Variants in PHACTR3 observed in about 807,000 individuals in gnomAD.
PHACTR3 encodes the protein protein phosphatase 1, regulatory subunit 123.
PHACTR3 carries 16 observed loss-of-function variants against 66.8 expected under a neutral mutation model. The ratio of observed to expected loss-of-function variants is 0.24; its 90% CI spans 0.16 to 0.36. The LOEUF is 0.36. Among genes scored for constraint, PHACTR3 ranks in the 10% least tolerant of loss-of-function variants. The pLI is 1.00. For missense variants in PHACTR3, 647 were observed against 719.9 expected, an observed-to-expected ratio of 0.90 and a Z score of 1.16; for synonymous variants, 323 against 292.1, an observed-to-expected ratio of 1.11 and a Z score of -1.08.
chr20:59,718,077 A>T (rs1181290255), intron 1 of PHACTR3, among the ~76,000 whole-genome samples: 1 of 152,200 alleles, frequency 6.6e-6, no homozygotes, highest in Non-Finnish European at 1.5e-5. Context: ...TAGGTGGTCA[A>T]GGGCAAAAAG....
At chr20:59,785,901 T>TCTGCATCCCCTGCTTCTGCATCCCCTGCC (rs1568820918) in intron 7 of PHACTR3, among the ~76,000 whole-genome samples, 5 of 3,454 alleles carry the variant, frequency 1.4e-3, no homozygotes, top group African/African-American at 1.8e-3. Context: ...CCAACGGCCC[T>TCTGCATCCCCTGCTTCTGCATCCCCTGCC]CTGCATCCCC....
intron 7 of PHACTR3, among the ~76,000 whole-genome samples, chr20:59,782,315 G>A (rs1234030645): frequency 5.3e-5 from 8 of 152,094 alleles, no homozygotes; most frequent in Admixed American, 1.3e-4. Flanking sequence ...ATCGTGGCAC[G>A]ATCTTGGCTC....
intron 8 of PHACTR3, among the ~76,000 whole-genome samples, chr20:59,825,900 C>T (rs367949532): frequency 3.3e-5 from 5 of 152,174 alleles, no homozygotes; most frequent in Admixed American, 6.5e-5. Flanking sequence ...TGCTCTTGAG[C>T]GGGATTAGCG....
chr20:59,741,722 G>T (rs1053143008), intron 1 of PHACTR3, among the ~76,000 whole-genome samples: 3 of 150,954 alleles, frequency 2.0e-5, no homozygotes, highest in Non-Finnish European at 4.4e-5. Context: ...TCCCCCGCCT[G>T]CCAACAGCCA....
chr20:59,820,644 T>C lies in PHACTR3; in HGVS notation c.1328+14450T>C, dbSNP rs2042007477. Among the ~76,000 whole-genome samples the C allele has an allele frequency of 6.6e-6, 1 of 152,202 alleles. No individual in the cohort carries two copies. Among genetic ancestry groups the C allele is most frequent in the East Asian group, 1.9e-4 (1 of 5,194 alleles). ...GCAGGGGAGAGGCTCAGGCCCCTTC[T>C]GTGCAGTGTCAATATGAAGTGGCCC... On this transcript the variant is annotated intron_variant, in intron 8 of 12. Coordinates refer to ENST00000371015, the MANE Select transcript of PHACTR3 (RefSeq NM_080672.5). The surrounding 1 kb of genome is among the most constrained non-coding windows in gnomAD (Gnocchi z 4.6).
At chr20:59,652,255 C>G (rs2035482035) in intron 1 of PHACTR3, among the ~76,000 whole-genome samples, 1 of 152,162 alleles carries the variant, frequency 6.6e-6, no homozygotes, top group African/African-American at 2.4e-5. Context: ...ATGCTAGTCT[C>G]TGATAGATGT....
intron 1 of PHACTR3, among the ~76,000 whole-genome samples, chr20:59,707,306 T>C (rs1278901110): frequency 1.3e-5 from 2 of 152,208 alleles, no homozygotes; most frequent in Non-Finnish European, 2.9e-5. Context: ...TTTGGAAGTT[T>C]GTCCGCTCTA....
Position 59,820,217 on chromosome 20 carries a change from A to G in PHACTR3, c.1328+14023A>G, listed in dbSNP as rs2041996322. Among the ~76,000 whole-genome samples the G allele has an allele frequency of 6.6e-6, 1 of 152,198 alleles. No homozygotes were observed. The highest frequency in any genetic ancestry group is 1.5e-5 in the Non-Finnish European group (1 of 68,036). On this transcript the variant is annotated intron_variant, in intron 8 of 12. Coordinates refer to ENST00000371015, the MANE Select transcript of PHACTR3 (RefSeq NM_080672.5). The surrounding 1 kb of genome is among the most constrained non-coding windows in gnomAD (Gnocchi z 4.6). ...AAGGTCAAGAAGACCACCAAGATTT[A>G]TGAGGGCACTTTCAAGGATTTGTTG... is the stretch of plus-strand genomic sequence containing the variant.
At chr20:59,783,151 C>T (rs1012326233) in intron 7 of PHACTR3, among the ~76,000 whole-genome samples, 1 of 152,220 alleles carries the variant, frequency 6.6e-6, no homozygotes, top group Non-Finnish European at 1.5e-5. Context: ...CTTCACAGAA[C>T]AGCAGGCAGC....
At position 59,635,101 on chromosome 20, in the gene PHACTR3, C is replaced by CTT. The variant is rs1458059575; in HGVS notation, c.118+29970_118+29971insTT. On this transcript the variant is annotated intron_variant, in intron 1 of 12. Coordinates refer to ENST00000371015, the MANE Select transcript of PHACTR3 (RefSeq NM_080672.5). ...TTCTTTTTTCTTTCTTTCTTTCTCT[C>CTT]TCTTTCTTTCTTTCTTTCTTTCTTT... Among the ~76,000 whole-genome samples the CTT allele has an allele frequency of 8.5e-3, 787 of 92,998 alleles. 5 individuals are homozygous for CTT. The highest frequency in any genetic ancestry group is 0.027 in the African/African-American group (617 of 23,080). 61.0% of individuals were successfully genotyped at this position (92,998 alleles called of 152,430 possible). A position where few individuals can be genotyped will look rare whatever the true frequency, so the allele number is the denominator to read the frequency against.
chr20:59,579,090 A>G (rs1392654139), intron 1 of PHACTR3, among the ~76,000 whole-genome samples: 1 of 152,202 alleles, frequency 6.6e-6, no homozygotes, highest in Non-Finnish European at 1.5e-5. Context: ...GCAGTGCATG[A>G]GTACTAAGAA....
At chr20:59,759,708 A>T (rs2039930674) in intron 4 of PHACTR3, among the ~76,000 whole-genome samples, 1 of 152,162 alleles carries the variant, frequency 6.6e-6, no homozygotes, top group Non-Finnish European at 1.5e-5. Context: ...TGTGTGTCTG[A>T]TGCTGTCTGT....
intron 1 of PHACTR3, among the ~76,000 whole-genome samples, chr20:59,658,039 G>C (rs1391054810): frequency 6.6e-6 from 1 of 151,960 alleles, no homozygotes; most frequent in Non-Finnish European, 1.5e-5. Flanking sequence ...ATCTCTGACT[G>C]TCTTCAAGTT....
At chr20:59,664,406 C>T (rs1369796463) in intron 1 of PHACTR3, among the ~76,000 whole-genome samples, 1 of 152,140 alleles carries the variant, frequency 6.6e-6, no homozygotes, top group Non-Finnish European at 1.5e-5. Context: ...TGCCTGCCAC[C>T]GCCTCCTTGT....
At chr20:59,772,071 G>A (rs1274193609) in intron 5 of PHACTR3, among the ~76,000 whole-genome samples, 1 of 152,232 alleles carries the variant, frequency 6.6e-6, no homozygotes, top group Non-Finnish European at 1.5e-5. Context: ...TTACAGGCAA[G>A]TAGGCTAAGC....
intron 1 of PHACTR3, 71 bp downstream of exon 1, chr20:59,605,203 C>T (rs1469966592): frequency 9.5e-7 from 1 of 1,057,730 alleles, no homozygotes. Flanking sequence ...AGCAGGACCC[C>T]GCGAGGCTCC....
intron 7 of PHACTR3, among the ~76,000 whole-genome samples, chr20:59,782,712 G>T (rs1028463759): frequency 6.6e-6 from 1 of 152,142 alleles, no homozygotes; most frequent in East Asian, 1.9e-4. Context: ...AAGTATGGGG[G>T]AAACCACCCC....
At chr20:59,828,149 C>G (rs2042248241) in intron 8 of PHACTR3, among the ~76,000 whole-genome samples, 1 of 152,218 alleles carries the variant, frequency 6.6e-6, no homozygotes, top group African/African-American at 2.4e-5. Context: ...ATTGTGGACA[C>G]ACACAGGAGG....
rs541087542 is a variant in PHACTR3 at position 59,758,406 on chromosome 20, G to C, written c.541+3042G>C. Among the ~76,000 whole-genome samples the C allele has an allele frequency of 6.6e-5, 10 of 152,274 alleles. No homozygotes were observed. The South Asian group carries it at 2.1e-3, about 32-fold the overall frequency. ...AGATAAAAATATAAATTCACTTAAA[G>C]TAAAATATAGCAAACAAAAGTATAG... On this transcript the variant is annotated intron_variant, in intron 4 of 12. Transcript: ENST00000371015.
Sources: gnomAD v4.1 joint callset for allele counts (sites outside exome capture counted in the v4.1 genomes callset) on GRCh38, gnomAD v4.1.1 for gene constraint, Gnocchi (gnomAD v3.1) non-coding constraint, MANE v1.5 for transcripts, NCBI Gene and HGNC (gene_info 2026-07-23, HGNC 2026-07-21) for gene names.